TRIM36: variants seen among roughly 807,000 people sequenced by gnomAD.
TRIM36 encodes E3 ubiquitin-protein ligase TRIM36.
In TRIM36, 42 loss-of-function variants were observed where a neutral mutation model predicts 72.4. The observed-to-expected ratio is 0.58, with a 90% CI of 0.45 to 0.75. The LOEUF (loss-of-function observed/expected upper bound fraction) is 0.75, where lower values mean the gene tolerates loss of function less well. Among genes scored for constraint, TRIM36 ranks in the 30% least tolerant of loss-of-function variants. The pLI is 0.00. For synonymous variants in TRIM36, 315 were observed against 282.8 expected, an observed-to-expected ratio of 1.11 and a Z score of -1.14; for missense variants, 913 against 857.1, an observed-to-expected ratio of 1.07 and a Z score of -0.81.
At chr5:115,149,028 C>A (rs992573076) in intron 2 of TRIM36, 14 of 152,074 alleles carry the variant, frequency 9.2e-5, no homozygotes, top group African/African-American at 3.1e-4. Flanking sequence ...GGCATTGGGC[C>A]CCAAAATCTA....
At chr5:115,148,556 G>A (rs151069840) in intron 2 of TRIM36, among the ~76,000 whole-genome samples, 161 of 151,136 alleles carry the variant, frequency 1.1e-3, no homozygotes, top group African/African-American at 3.5e-3. Flanking sequence ...GATTACAGGC[G>A]CCCACCACCA....
upstream of TRIM36, among the ~76,000 whole-genome samples, chr5:115,170,684 C>A (rs1580711708): frequency 6.6e-6 from 1 of 152,352 alleles, no homozygotes; most frequent in East Asian, 1.9e-4. Context: ...TGCCCAGTAG[C>A]GCGGGGACCG....
chr5:115,159,639 A>G, intron 2 of TRIM36: 1 of 454,122 alleles, frequency 2.2e-6, no homozygotes, highest in Non-Finnish European at 4.4e-6. Context: ...AACATTTTCT[A>G]CCTCTCCACC....
chr5:115,133,921 G>A lies in TRIM36; in HGVS notation c.1437C>T (p.Tyr479=), dbSNP rs997435062. 1 of 1,613,274 alleles carries A rather than the reference G, an allele frequency of 6.2e-7. No homozygotes were observed. Among genetic ancestry groups the A allele is most frequent in the South Asian group, 1.1e-5 (1 of 90,898 alleles). The part of the protein sequence containing the change: ...SSTYAFRVRA[Y]KGSICSPCSR... ...TGCAAGGACTACAGATTGAACCCTTGTAAGCTCTTACTCTGAAAGCATAGG... is the reference window on the plus strand; with the variant it reads ...TGCAAGGACTACAGATTGAACCCTTATAAGCTCTTACTCTGAAAGCATAGG... Residue 479 remains tyrosine (Y), a synonymous_variant, in exon 8 of 10, where the codon TAC becomes TAT. Transcript: ENST00000513154.
At chr5:115,164,663 C>A (rs1340447353) in intron 1 of TRIM36, among the ~76,000 whole-genome samples, 1 of 152,176 alleles carries the variant, frequency 6.6e-6, no homozygotes. Context: ...CTTGGGATTA[C>A]AATTCAAGAT....
In TRIM36 at chr5:115,137,356, A is replaced by T; in HGVS notation, c.1085+7T>A. 6.3e-7 allele frequency: 1 copy of T among 1,598,472 alleles called. No homozygotes were observed. The highest frequency in any genetic ancestry group is 8.5e-7 in the Non-Finnish European group (1 of 1,174,818). ...TAGGTTCTAAAGTTAGAAGTAAAAGAGAATACCTGAGGTGGAGCTGCTTTG... is the reference window on the plus strand; with the variant it reads ...TAGGTTCTAAAGTTAGAAGTAAAAGTGAATACCTGAGGTGGAGCTGCTTTG... On this transcript the variant is annotated splice_region_variant and intron_variant, in intron 6 of 9. Transcript: ENST00000513154.
intron 2 of TRIM36, among the ~76,000 whole-genome samples, chr5:115,155,873 T>A (rs1167270555): frequency 1.3e-5 from 2 of 152,224 alleles, no homozygotes; most frequent in Admixed American, 1.3e-4. Flanking sequence ...TATCACTGTT[T>A]GCTGATGACA....
intron 2 of TRIM36, among the ~76,000 whole-genome samples, chr5:115,161,552 T>C (rs116587219): frequency 0.013 from 2,038 of 152,306 alleles, 44 homozygotes; most frequent in African/African-American, 0.047. Context: ...ATAATCTGAA[T>C]TGAAAATATT....
At position 115,147,213 on chromosome 5, in the gene TRIM36, A is replaced by G; in HGVS notation, c.444T>C (p.Cys148=). The change falls in exon 3 of 10, where the codon TGT becomes TGC. Residue 148 remains cysteine (C), a synonymous_variant. Coordinates refer to ENST00000513154, the MANE Select transcript of TRIM36 (RefSeq NM_001300759.2). The stretch of plus-strand genomic sequence containing the variant: ...TTGTGGATTCTTGAGGTGGTGGTTT[A>G]CAAAGGTCACACATAATGGCTGTGG... ...RAATAIMCDL[C]KPPPQESTKS... 6.2e-7 allele frequency: 1 copy of G among 1,614,184 alleles called. No individual in the cohort carries two copies.
chr5:115,162,856 T>C (rs1442352689), intron 2 of TRIM36, among the ~76,000 whole-genome samples: 1 of 152,200 alleles, frequency 6.6e-6, no homozygotes, highest in East Asian at 1.9e-4. Context: ...TTTATTTTCC[T>C]ATTACCATAT....
intron 6 of TRIM36, 96 bp downstream of exon 6, chr5:115,137,267 C>T: frequency 1.3e-6 from 2 of 1,503,114 alleles, no homozygotes. Flanking sequence ...CACATTAACA[C>T]AGCATTATGG....
chr5:115,168,143 G>A (rs1754893507), intron 1 of TRIM36, among the ~76,000 whole-genome samples: 2 of 152,170 alleles, frequency 1.3e-5, no homozygotes, highest in Admixed American at 1.3e-4. Flanking sequence ...TTCAAGATGA[G>A]ATTTGGGTGT....
chr5:115,126,815 G>A lies in TRIM36; in HGVS notation c.1839C>T (p.Ala613=). 1 of 1,613,970 alleles carries A rather than the reference G, an allele frequency of 6.2e-7. No individual in the cohort carries two copies. The highest frequency in any genetic ancestry group is 8.5e-7 in the Non-Finnish European group (1 of 1,179,968). Residue 613 remains alanine, a synonymous_variant, in exon 10 of 10, where the codon GCC becomes GCT. Transcript: ENST00000513154. The part of the protein sequence containing the change: ...DSGHDSGSED[A]CFDSSQPFTL... ...TAAATGGTTGTGAAGAATCAAAACA[G>A]GCATCCTCACTTCCACTGTCATGCC...
In TRIM36 at chr5:115,169,871, C is replaced by G. The variant is rs1311026318; in HGVS notation, c.-237G>C. On this transcript the variant is annotated 5_prime_UTR_variant, in exon 1 of 10. Coordinates refer to ENST00000513154, the MANE Select transcript of TRIM36 (RefSeq NM_001300759.2). ...CCCAGCGACTACCCCGGGAATCCCG[C>G]CCAGCTGCCGGCTGCAGCAGCGGCT... 1 of 1,305,920 alleles carries G rather than the reference C, an allele frequency of 7.7e-7. No homozygotes were observed. The highest frequency in any genetic ancestry group is 9.7e-7 in the Non-Finnish European group (1 of 1,026,614). The allele number at this position is 1,305,920 out of a possible 1,614,324, so 80.9% of individuals were successfully genotyped here.
chr5:115,159,576 G>A, intron 2 of TRIM36: 1 of 431,370 alleles, frequency 2.3e-6, no homozygotes, highest in South Asian at 1.7e-5. Context: ...TCTTACACAA[G>A]ATTATTTAAT....
intron 1 of TRIM36, chr5:115,168,965 A>G (rs894278031): frequency 6.6e-6 from 1 of 152,278 alleles, no homozygotes; most frequent in African/African-American, 2.4e-5. Context: ...AGTATTTCTT[A>G]CCCAAGAGAA....
chr5:115,160,675 CA>C (rs925971424), intron 2 of TRIM36, among the ~76,000 whole-genome samples: 5 of 152,016 alleles, frequency 3.3e-5, no homozygotes, highest in African/African-American at 1.2e-4. Context: ...TTCTTCTCCA[CA>C]AAAAAAATTT....
chr5:115,154,309 T>C (rs977287377), intron 2 of TRIM36, among the ~76,000 whole-genome samples: 1 of 147,396 alleles, frequency 6.8e-6, no homozygotes, highest in African/African-American at 2.5e-5. Context: ...AACCCAAACC[T>C]AGCAGAAGAA....
chr5:115,154,980 C>T (rs2112876429), intron 2 of TRIM36, among the ~76,000 whole-genome samples: 1 of 151,648 alleles, frequency 6.6e-6, no homozygotes, highest in South Asian at 2.1e-4. Flanking sequence ...AGGAGTTGGA[C>T]ACCAGCCTGA....
Sources: gnomAD v4.1 joint callset for allele counts (sites outside exome capture counted in the v4.1 genomes callset) on GRCh38, gnomAD v4.1.1 for gene constraint, MANE v1.5 for transcripts, NCBI Gene and HGNC (gene_info 2026-07-23, HGNC 2026-07-21) for gene names.